Variants in STAT1 observed in about 807,000 individuals in gnomAD.
STAT1 encodes signal transducer and activator of transcription 1-alpha/beta.
In STAT1, 24 loss-of-function variants were observed where a neutral mutation model predicts 111.7. That is an observed-to-expected ratio of 0.21 (90% CI 0.16 to 0.30). STAT1 has a LOEUF of 0.30. Among genes scored for constraint, STAT1 ranks in the 10% least tolerant of loss-of-function variants. STAT1 has a pLI of 1.00. For synonymous variants in STAT1, 332 were observed against 326.5 expected (o/e 1.02, Z -0.18); for missense variants, 351 against 911.9 (o/e 0.38, Z 7.92).
chr2:191,009,288 T>C (rs1035495599), intron 3 of STAT1, among the ~76,000 whole-genome samples, 181 bp from the exon 4 acceptor site: 5 of 152,362 alleles, frequency 3.3e-5, no homozygotes, highest in African/African-American at 7.2e-5. Context: ...ATTTCTCTTA[T>C]GTGCAATTAG....
At chr2:190,992,680 G>C in intron 10 of STAT1, 1 of 1,289,800 alleles carries the variant, frequency 7.8e-7, no homozygotes, top group Non-Finnish European at 1.0e-6. Context: ...AGAGTGCTCT[G>C]AATTTTAACA....
At position 190,987,218 on chromosome 2, in the gene STAT1, T is replaced by C. The variant is rs1692919487; in HGVS notation, c.1098-150A>G. 1 of 692,654 alleles carries C rather than the reference T, an allele frequency of 1.4e-6. No individual in the cohort carries two copies. Among genetic ancestry groups the C allele is most frequent in the Non-Finnish European group, 2.5e-6 (1 of 400,154 alleles). 42.9% of individuals were successfully genotyped at this position (692,654 alleles called of 1,614,324 possible). A position where few individuals can be genotyped will look rare whatever the true frequency, so the allele number is the denominator to read the frequency against. ...TATGGATTTGCAGCCTTTCATTCACTCCCTGCTTCCATCTACCCATACTAG... is the reference window on the plus strand; with the variant it reads ...TATGGATTTGCAGCCTTTCATTCACCCCCTGCTTCCATCTACCCATACTAG... On this transcript the variant is annotated intron_variant, in intron 12 of 24. Coordinates refer to ENST00000361099, the MANE Select transcript of STAT1 (RefSeq NM_007315.4). The surrounding 1 kb of genome is among the most constrained non-coding windows in gnomAD (Gnocchi z 4.0).
chr2:190,991,211 C>T lies in STAT1; in HGVS notation c.1037+17G>A, dbSNP rs746096660. The T allele has an allele frequency of 3.1e-6, 5 of 1,612,198 alleles. No individual in the cohort carries two copies. The South Asian group carries it at 4.4e-5, about 14-fold the overall frequency. On this transcript the variant is annotated intron_variant, in intron 11 of 24. Coordinates refer to ENST00000361099, the MANE Select transcript of STAT1 (RefSeq NM_007315.4). The stretch of plus-strand genomic sequence containing the variant: ...ACGTGACAGGTGATGTATGGGATGC[C>T]ATCTTTCCCTTGTTACCTCAACTTC...
Position 190,998,104 on chromosome 2 carries a change from C to G in STAT1, c.634-97G>C, listed in dbSNP as rs1353030475. On this transcript the variant is annotated intron_variant, in intron 8 of 24. Transcript: ENST00000361099. This position sits in a 1 kb window ranked among gnomAD's most constrained non-coding sequence, Gnocchi z 4.1. ...AGAAAAGCAAATATCATTTCATTCTCAACTGGGGCTCTAAGCCAGGTGGCT... is the reference window on the plus strand; with the variant it reads ...AGAAAAGCAAATATCATTTCATTCTGAACTGGGGCTCTAAGCCAGGTGGCT... 6.4e-7 allele frequency: 1 copy of G among 1,565,368 alleles called. No individual in the cohort carries two copies. The highest frequency in any genetic ancestry group is 8.7e-7 in the Non-Finnish European group (1 of 1,142,872).
chr2:191,009,221 T>C, intron 3 of STAT1, 114 bp from the exon 4 acceptor site: 3 of 1,289,788 alleles, frequency 2.3e-6, no homozygotes, highest in Non-Finnish European at 3.2e-6. Flanking sequence ...AAGTATTTTC[T>C]TAGGTTTATT....
At position 190,969,878 on chromosome 2, in the gene STAT1, T is replaced by C. The variant is rs1194364922; in HGVS notation, c.*825A>G. The C allele has an allele frequency of 6.6e-6, 1 of 152,252 alleles. No individual in the cohort carries two copies. Among genetic ancestry groups the C allele is most frequent in the East Asian group, 1.9e-4 (1 of 5,196 alleles). 9.4% of individuals were successfully genotyped at this position (152,252 alleles called of 1,614,324 possible). A position where few individuals can be genotyped will look rare whatever the true frequency, so the allele number is the denominator to read the frequency against. On this transcript the variant is annotated 3_prime_UTR_variant, in exon 25 of 25. Coordinates refer to ENST00000361099, the MANE Select transcript of STAT1 (RefSeq NM_007315.4). Reference sequence around the variant, plus strand: ...TCTATGGTTAATTTCAACTTTTGAATGAGTGGTTGTGAATAGCCTAACTCC... The same window carrying C: ...TCTATGGTTAATTTCAACTTTTGAACGAGTGGTTGTGAATAGCCTAACTCC...
chr2:190,978,694 T>G lies in STAT1; in HGVS notation c.1873+162A>C. 1.1e-6 allele frequency: 1 copy of G among 871,720 alleles called. No individual in the cohort carries two copies. The highest frequency in any genetic ancestry group is 1.8e-6 in the Non-Finnish European group (1 of 549,792). 54.0% of individuals were successfully genotyped at this position (871,720 alleles called of 1,614,324 possible). On this transcript the variant is annotated intron_variant, in intron 21 of 24. Transcript: ENST00000361099. The surrounding 1 kb of genome is among the most constrained non-coding windows in gnomAD (Gnocchi z 6.1). The stretch of plus-strand genomic sequence containing the variant: ...GAGAGTGAACCACAACCACAAACAT[T>G]TGTGGTGGTTTATTAAATCCTATCG...
In STAT1 at chr2:190,996,832, C is replaced by G. The variant is rs984851111; in HGVS notation, c.785+1024G>C. Among the ~76,000 whole-genome samples the G allele has an allele frequency of 6.6e-6, 1 of 152,222 alleles. No homozygotes were observed. Among genetic ancestry groups the G allele is most frequent in the Admixed American group, 6.5e-5 (1 of 15,284 alleles). On this transcript the variant is annotated intron_variant, in intron 9 of 24. Coordinates refer to ENST00000361099, the MANE Select transcript of STAT1 (RefSeq NM_007315.4). This position sits in a 1 kb window ranked among gnomAD's most constrained non-coding sequence, Gnocchi z 4.5. ...CATGTTCACTCTGTGATTCCAAGTT[C>G]AGCTCCTGTTGCCCCTCACCTGGAC... is the stretch of plus-strand genomic sequence containing the variant.
Position 190,989,891 on chromosome 2 carries a change from A to G in STAT1, c.1038-217T>C, listed in dbSNP as rs1190509906. Among the ~76,000 whole-genome samples the G allele has an allele frequency of 6.6e-6, 1 of 152,240 alleles. No homozygotes were observed. The highest frequency in any genetic ancestry group is 1.5e-5 in the Non-Finnish European group (1 of 68,038). ...TGTGGAACCGCTTAGGAAAAATTGT[A>G]ACACTAATTCTGACAGGATGCCGCC... On this transcript the variant is annotated intron_variant, in intron 11 of 24. Coordinates refer to ENST00000361099, the MANE Select transcript of STAT1 (RefSeq NM_007315.4). This position sits in a 1 kb window ranked among gnomAD's most constrained non-coding sequence, Gnocchi z 5.0.
In STAT1 at chr2:190,990,888, A is replaced by G. The variant is rs905501962; in HGVS notation, c.1037+340T>C. Among the ~76,000 whole-genome samples, 2 of 152,208 alleles carry G rather than the reference A, an allele frequency of 1.3e-5. No individual in the cohort carries two copies. Among genetic ancestry groups the G allele is most frequent in the African/African-American group, 4.8e-5 (2 of 41,456 alleles). The stretch of plus-strand genomic sequence containing the variant: ...ACAGCTTCTGGGGTTCATAAGGCTC[A>G]GGTTATGAGCCTATGCCCAAGAGGG... On this transcript the variant is annotated intron_variant, in intron 11 of 24. Coordinates refer to ENST00000361099, the MANE Select transcript of STAT1 (RefSeq NM_007315.4). The surrounding 1 kb of genome is among the most constrained non-coding windows in gnomAD (Gnocchi z 5.1).
rs200958805 is a variant in STAT1, at chr2:190,992,022, AT to A, written c.945-703del. Among the ~76,000 whole-genome samples, 338 of 152,332 alleles carry A rather than the reference AT, an allele frequency of 2.2e-3. 6 individuals carry two copies. Among genetic ancestry groups the A allele is most frequent in the Admixed American group, 0.021 (328 of 15,306 alleles). On this transcript the variant is annotated intron_variant, in intron 10 of 24. Coordinates refer to ENST00000361099, the MANE Select transcript of STAT1 (RefSeq NM_007315.4). Reference sequence around the variant, plus strand: ...ACATTAGCCATAGGGAACCAAGTACATTTTTTTAAATATTACTTCCAATAAG... The same window carrying A: ...ACATTAGCCATAGGGAACCAAGTACATTTTTTAAATATTACTTCCAATAAG...
intron 10 of STAT1, chr2:190,992,756 C>A: frequency 2.7e-6 from 2 of 739,778 alleles, no homozygotes; most frequent in Non-Finnish European, 4.0e-6. Context: ...CAGCTGCCAT[C>A]ATCATGGAAC....
intron 24 of STAT1, among the ~76,000 whole-genome samples, chr2:190,972,816 G>GGTGTGGGTGT: frequency 7.3e-6 from 1 of 136,420 alleles, no homozygotes; most frequent in East Asian, 2.1e-4. Context: ...GTGTATAGAG[G>GGTGTGGGTGT]GTGTGTGTGT....
Position 190,983,454 on chromosome 2 carries a change from G to A in STAT1, c.1446+188C>T, listed in dbSNP as rs1483266305. ...AGCTTACCCACATGGGAGAAAAAAC[G>A]TAATTCTCATTTCAAATACATATCC... On this transcript the variant is annotated intron_variant, in intron 17 of 24. Transcript: ENST00000361099. The surrounding 1 kb of genome is among the most constrained non-coding windows in gnomAD (Gnocchi z 5.7). Among the ~76,000 whole-genome samples, 1 of 152,178 alleles carries A rather than the reference G, an allele frequency of 6.6e-6. No individual in the cohort carries two copies. Among genetic ancestry groups the A allele is most frequent in the Non-Finnish European group, 1.5e-5 (1 of 68,030 alleles).
rs887085915 is a variant in STAT1, at chr2:190,993,796, A to G, written c.944+1265T>C. Among the ~76,000 whole-genome samples, 10 of 152,146 alleles carry G rather than the reference A, an allele frequency of 6.6e-5. No homozygotes were observed. Among genetic ancestry groups the G allele is most frequent in the Non-Finnish European group, 1.5e-4 (10 of 68,016 alleles). ...TATCATGTCAAGTTTGCATTAAAAA[A>G]AAAAAAACTTGCAATATGAACCCTT... On this transcript the variant is annotated intron_variant, in intron 10 of 24. Coordinates refer to ENST00000361099, the MANE Select transcript of STAT1 (RefSeq NM_007315.4). The surrounding 1 kb of genome is among the most constrained non-coding windows in gnomAD (Gnocchi z 4.1).
chr2:191,012,353 T>C lies in STAT1; in HGVS notation c.-2+1172A>G, dbSNP rs1457157583. Among the ~76,000 whole-genome samples the C allele has an allele frequency of 6.6e-6, 1 of 151,126 alleles. No individual in the cohort carries two copies. Among genetic ancestry groups the C allele is most frequent in the Non-Finnish European group, 1.5e-5 (1 of 67,778 alleles). ...ATTGCTTGAACCCAGGAGGCGGAGGTTGCAGTGAGCTGAGATCGCGCCACT... is the reference window on the plus strand; with the variant it reads ...ATTGCTTGAACCCAGGAGGCGGAGGCTGCAGTGAGCTGAGATCGCGCCACT... On this transcript the variant is annotated intron_variant, in intron 2 of 24. Coordinates refer to ENST00000361099, the MANE Select transcript of STAT1 (RefSeq NM_007315.4). This position sits in a 1 kb window ranked among gnomAD's most constrained non-coding sequence, Gnocchi z 4.0.
rs899224935 is a variant in STAT1, at chr2:190,975,702, C to T, written c.2135+110G>A. On this transcript the variant is annotated intron_variant, in intron 23 of 24. Transcript: ENST00000361099. This position sits in a 1 kb window ranked among gnomAD's most constrained non-coding sequence, Gnocchi z 5.9. ...ATCTCAACAAGTTCAGCTGTGATGG[C>T]GATAGCAATTACAATGGAAAAGTAA... 3.9e-6 allele frequency: 6 copies of T among 1,549,250 alleles called. No homozygotes were observed. The highest frequency in any genetic ancestry group is 1.9e-5 in the Admixed American group (1 of 51,818).
chr2:191,013,287 T>C (rs1007886815), intron 2 of STAT1, among the ~76,000 whole-genome samples: 7 of 152,140 alleles, frequency 4.6e-5, no homozygotes, highest in African/African-American at 7.2e-5. Flanking sequence ...TCCTTATCTA[T>C]ACAAACAACA....
rs1692654117 is a variant in STAT1, at chr2:190,984,690, G to A, written c.1264-297C>T. Among the ~76,000 whole-genome samples the A allele has an allele frequency of 6.6e-6, 1 of 152,206 alleles. No individual in the cohort carries two copies. ...GGCTTCTCGACCCTCAGCTCTGTCTGCCTGCCCAGTGTGGCTGCACATCTC... is the reference window on the plus strand; with the variant it reads ...GGCTTCTCGACCCTCAGCTCTGTCTACCTGCCCAGTGTGGCTGCACATCTC... On this transcript the variant is annotated intron_variant, in intron 15 of 24. Coordinates refer to ENST00000361099, the MANE Select transcript of STAT1 (RefSeq NM_007315.4). This position sits in a 1 kb window ranked among gnomAD's most constrained non-coding sequence, Gnocchi z 5.2.
Sources: gnomAD v4.1 joint callset for allele counts (sites outside exome capture counted in the v4.1 genomes callset) on GRCh38, gnomAD v4.1.1 for gene constraint, Gnocchi (gnomAD v3.1) non-coding constraint, MANE v1.5 for transcripts, NCBI Gene and HGNC (gene_info 2026-07-23, HGNC 2026-07-21) for gene names.